The following NEGR1 variants were observed in gnomAD, a reference collection of about 807,000 sequenced individuals.
NEGR1 encodes the protein IgLON family member 4.
Under a neutral mutation model 40.9 loss-of-function variants are expected in NEGR1, and 10 were observed. That is an observed-to-expected ratio of 0.24 (90% CI 0.15 to 0.42). NEGR1 has a LOEUF of 0.42. Among genes scored for constraint, NEGR1 ranks in the 10% least tolerant of loss-of-function variants. NEGR1 has a pLI of 1.00. For missense variants in NEGR1, 352 were observed against 438.9 expected, an observed-to-expected ratio of 0.80 and a Z score of 1.77; for synonymous variants, 185 against 166.8, an observed-to-expected ratio of 1.11 and a Z score of -0.84.
intron 2 of NEGR1, among the ~76,000 whole-genome samples, chr1:71,897,408 C>T (rs1189316741): frequency 6.6e-6 from 1 of 152,122 alleles, no homozygotes; most frequent in African/African-American, 2.4e-5. Context: ...CCTTGAAAAG[C>T]CCCTCAACTT....
intron 1 of NEGR1, among the ~76,000 whole-genome samples, chr1:72,024,885 A>G (rs1646793309): frequency 6.6e-6 from 1 of 152,168 alleles, no homozygotes; most frequent in African/African-American, 2.4e-5. Context: ...AAGACAATAT[A>G]CATTGAGGTA....
chr1:72,052,413 G>A (rs1238414635), intron 1 of NEGR1, among the ~76,000 whole-genome samples: 1 of 151,514 alleles, frequency 6.6e-6, no homozygotes, highest in South Asian at 2.1e-4. Context: ...GAATTTAAAT[G>A]AAGAATCTTG....
chr1:72,028,048 C>T (rs891946622), intron 1 of NEGR1, among the ~76,000 whole-genome samples: 2 of 152,228 alleles, frequency 1.3e-5, no homozygotes, highest in Non-Finnish European at 2.9e-5. Flanking sequence ...CCAACCTATT[C>T]TTATCTCGTG....
At chr1:71,841,801 G>C (rs190787558) in intron 2 of NEGR1, among the ~76,000 whole-genome samples, 329 of 152,210 alleles carry the variant, frequency 2.2e-3, no homozygotes, top group Non-Finnish European at 4.1e-3. Flanking sequence ...TAAAAGAAAA[G>C]AATACATTTT....
chr1:71,984,423 C>T (rs1055641347), intron 1 of NEGR1, among the ~76,000 whole-genome samples: 7 of 152,008 alleles, frequency 4.6e-5, no homozygotes, highest in Admixed American at 3.9e-4. Flanking sequence ...CTGTGCCCGG[C>T]CTTGAAATAA....
chr1:71,588,077 T>C lies in NEGR1; in HGVS notation c.940+4740A>G, dbSNP rs1045347054. 6.0e-4 allele frequency among the ~76,000 whole-genome samples: 92 copies of C among 152,140 alleles called. 1 individual carries two copies. Among genetic ancestry groups the C allele is most frequent in the Admixed American group, 4.6e-4 (7 of 15,236 alleles). On this transcript the variant is annotated intron_variant, in intron 6 of 6. Coordinates refer to ENST00000357731, the MANE Select transcript of NEGR1 (RefSeq NM_173808.3). ...AAGCGTGTACAACATGTTTTACTTA[T>C]AGAAATAACTATGTTTTACTGATTA... is the stretch of plus-strand genomic sequence containing the variant.
intron 2 of NEGR1, among the ~76,000 whole-genome samples, chr1:71,777,368 T>G (rs1656549146): frequency 6.6e-6 from 1 of 152,118 alleles, no homozygotes; most frequent in African/African-American, 2.4e-5. Flanking sequence ...TAGTCATTAT[T>G]ATTAGATGCT....
intron 6 of NEGR1, among the ~76,000 whole-genome samples, chr1:71,517,679 C>T (rs1425495419): frequency 2.9e-5 from 4 of 136,522 alleles, no homozygotes; most frequent in Non-Finnish European, 4.6e-5. Context: ...GACAAGGATG[C>T]CCTCTCTCAC....
chr1:71,471,253 G>A (rs1646780254), intron 6 of NEGR1, among the ~76,000 whole-genome samples: 1 of 152,088 alleles, frequency 6.6e-6, no homozygotes, highest in South Asian at 2.1e-4. Context: ...TATGTCCTAA[G>A]ACTTTTTGAA....
At chr1:71,537,008 T>A (rs891579273) in intron 6 of NEGR1, among the ~76,000 whole-genome samples, 3 of 151,680 alleles carry the variant, frequency 2.0e-5, no homozygotes, top group African/African-American at 7.2e-5. Context: ...TCAGAGTTCA[T>A]TGATTCAGTA....
At chr1:72,216,402 C>T (rs12062473) in intron 1 of NEGR1, among the ~76,000 whole-genome samples, 7,264 of 119,444 alleles carry the variant, frequency 0.061, 596 homozygotes, top group African/African-American at 0.22. Flanking sequence ...TATATATATA[C>T]ATATATATAT....
At chr1:71,799,507 G>T (rs1570362617) in intron 2 of NEGR1, among the ~76,000 whole-genome samples, 1 of 152,130 alleles carries the variant, frequency 6.6e-6, no homozygotes, top group South Asian at 2.1e-4. Flanking sequence ...GTAAACATAG[G>T]TGAGCATGTG....
intron 2 of NEGR1, among the ~76,000 whole-genome samples, chr1:71,800,589 G>A (rs1353164384): frequency 1.3e-5 from 2 of 152,068 alleles, no homozygotes; most frequent in Non-Finnish European, 2.9e-5. Context: ...TACTGTTCAT[G>A]TCCTCATATT....
At chr1:72,274,778 C>T in intron 1 of NEGR1, 1 of 1,380,176 alleles carries the variant, frequency 7.2e-7, no homozygotes, top group Non-Finnish European at 1.0e-6. Context: ...ATCTGTGACC[C>T]CAGCTGTGTA....
chr1:72,104,763 A>T (rs1371545297), intron 1 of NEGR1, among the ~76,000 whole-genome samples: 1 of 152,126 alleles, frequency 6.6e-6, no homozygotes, highest in Non-Finnish European at 1.5e-5. Context: ...ATAAAACAAC[A>T]ATACTTTTTT....
At chr1:72,087,386 G>T (rs1648263626) in intron 1 of NEGR1, among the ~76,000 whole-genome samples, 1 of 151,736 alleles carries the variant, frequency 6.6e-6, no homozygotes, top group Admixed American at 6.6e-5. Flanking sequence ...AGCCAAGATT[G>T]CGCCACTGCA....
intron 1 of NEGR1, among the ~76,000 whole-genome samples, chr1:71,988,677 G>A (rs912091486): frequency 1.3e-5 from 2 of 151,484 alleles, no homozygotes; most frequent in Non-Finnish European, 2.9e-5. Flanking sequence ...ATCTAAAGGG[G>A]CACAAGGTAC....
At chr1:71,983,519 A>C (rs1646370884) in intron 1 of NEGR1, among the ~76,000 whole-genome samples, 1 of 152,168 alleles carries the variant, frequency 6.6e-6, no homozygotes, top group African/African-American at 2.4e-5. Flanking sequence ...ATAATTCACT[A>C]TCATCCAAAA....
rs563285793 is a variant in NEGR1, at chr1:71,880,646, C to T, written c.409+54433G>A. Among the ~76,000 whole-genome samples, 4 of 152,108 alleles carry T rather than the reference C, an allele frequency of 2.6e-5. No individual in the cohort carries two copies. In the South Asian group the frequency reaches 8.3e-4, roughly 32 times the overall value. ...TGAAGCTTTTCAAAGTACTCTTTTA[C>T]CATCTGGCAAAATACGAATTTGCAG... On this transcript the variant is annotated intron_variant, in intron 2 of 6. Transcript: ENST00000357731.
Sources: allele counts gnomAD v4.1 joint callset (sites outside exome capture counted in the v4.1 genomes callset), GRCh38; gene constraint gnomAD v4.1.1; transcripts MANE v1.5; gene names NCBI Gene and HGNC (gene_info 2026-07-23, HGNC 2026-07-21).